SATL1: variants seen among roughly 807,000 people sequenced by gnomAD.
SATL1 encodes the protein spermidine/spermine N(1)-acetyltransferase-like protein 1.
In SATL1, 47 loss-of-function variants were observed where a neutral mutation model predicts 51.8. The ratio of observed to expected loss-of-function variants is 0.91; its 90% CI spans 0.72 to 1.16. SATL1 has a LOEUF of 1.16. SATL1 is among the 50% of genes most tolerant of loss of function. SATL1 has a pLI of 0.00. For missense variants in SATL1, 520 were observed against 526.4 expected, an observed-to-expected ratio of 0.99 and a Z score of 0.12; for synonymous variants, 176 against 182.4, an observed-to-expected ratio of 0.97 and a Z score of 0.28.
At chrX:85,169,506 C>T (rs1195006004) in intron 2 of SATL1, among the ~76,000 whole-genome samples, 2 of 111,038 alleles carry the variant, frequency 1.8e-5, no homozygotes, top group Non-Finnish European at 3.8e-5. Flanking sequence ...ATGCAGCCAA[C>T]AAAAACATGC....
chrX:85,210,423 A>G (rs1927891804), intron 2 of SATL1: 1 of 87,665 alleles, frequency 1.1e-5, no homozygotes, highest in African/African-American at 4.3e-5. Context: ...AAAAAAAAAA[A>G]GGAGGCACAC....
At chrX:85,172,221 T>C (rs192803804) in intron 2 of SATL1, among the ~76,000 whole-genome samples, 2 of 111,771 alleles carry the variant, frequency 1.8e-5, no homozygotes, top group African/African-American at 6.5e-5. Flanking sequence ...TATACGCATG[T>C]ATGTGGGGAA....
intron 2 of SATL1, among the ~76,000 whole-genome samples, chrX:85,140,161 G>T (rs1423775365): frequency 8.9e-6 from 1 of 111,979 alleles, no homozygotes; most frequent in African/African-American, 3.2e-5. Context: ...CACATTTCTT[G>T]CCTGATTTTT....
intron 2 of SATL1, among the ~76,000 whole-genome samples, chrX:85,166,915 G>GTA (rs749160963): frequency 0.098 from 8,192 of 83,763 alleles, 434 homozygotes; most frequent in Non-Finnish European, 0.13. Context: ...AGAAAATGGG[G>GTA]TATATATATA....
At chrX:85,127,643 AATT>A (rs1253217519) in intron 2 of SATL1, among the ~76,000 whole-genome samples, 1 of 111,286 alleles carries the variant, frequency 9.0e-6, no homozygotes, top group East Asian at 2.8e-4. Flanking sequence ...GCATGAAGTG[AATT>A]ATTATTATTT....
chrX:85,178,812 T>C (rs1927139938), intron 2 of SATL1, among the ~76,000 whole-genome samples: 1 of 111,563 alleles, frequency 9.0e-6, no homozygotes, highest in Admixed American at 9.6e-5. Context: ...ATTATTGGTC[T>C]ATAGTTCTCA....
chrX:85,097,264 C>CT (rs1194664685), intron 4 of SATL1, among the ~76,000 whole-genome samples: 1 of 112,122 alleles, frequency 8.9e-6, no homozygotes, highest in Non-Finnish European at 1.9e-5. Flanking sequence ...AACCAATCTC[C>CT]TGCATATACT....
rs1244865359 is a variant in SATL1, at chrX:85,107,448, A to G, written c.1521T>C (p.Ser507=). The G allele has an allele frequency of 1.7e-6, 2 of 1,210,979 alleles. No homozygotes were observed. Among genetic ancestry groups the G allele is most frequent in the African/African-American group, 3.5e-5 (2 of 57,559 alleles). ...CACTTGGTTGGCTCCTGCCTGGTTG[A>G]CTCAGGCCTGGTTGGCTCAGCACTA... The part of the protein sequence containing the change: ...NQLVLSQPGL[S]QPGRSQPSVS... The change falls in exon 3 of 8, where the codon AGT becomes AGC. Residue 507 remains serine (S), a synonymous_variant. Coordinates refer to ENST00000644105, the MANE Select transcript of SATL1 (RefSeq NM_001367857.2).
intron 2 of SATL1, among the ~76,000 whole-genome samples, chrX:85,139,155 C>A (rs906581261): frequency 2.7e-4 from 30 of 110,701 alleles, no homozygotes; most frequent in African/African-American, 9.2e-4. Flanking sequence ...CAGGATGGAG[C>A]CTTAATCCTA....
At chrX:85,150,869 G>A (rs1926411093) in intron 2 of SATL1, among the ~76,000 whole-genome samples, 1 of 109,994 alleles carries the variant, frequency 9.1e-6, no homozygotes, top group Non-Finnish European at 1.9e-5. Flanking sequence ...ATACTGAATG[G>A]ACAAATACTG....
intron 2 of SATL1, among the ~76,000 whole-genome samples, chrX:85,178,627 AAAACAAAC>A (rs200030021): frequency 1.2e-4 from 13 of 107,651 alleles, no homozygotes; most frequent in South Asian, 3.9e-4. Context: ...AAAAAAAACA[AAAACAAAC>A]AAACAAACAA....
At chrX:85,128,186 G>A (rs1005866091) in intron 2 of SATL1, among the ~76,000 whole-genome samples, 1 of 111,410 alleles carries the variant, frequency 9.0e-6, no homozygotes, top group Non-Finnish European at 1.9e-5. Context: ...TGGGTCAAAT[G>A]GTATTTCTAG....
chrX:85,177,436 C>T (rs1448932235), intron 2 of SATL1, among the ~76,000 whole-genome samples: 2 of 111,058 alleles, frequency 1.8e-5, no homozygotes, highest in African/African-American at 6.5e-5. Flanking sequence ...TCTCAGGTCC[C>T]CAGTCCTTTG....
At chrX:85,128,779 G>T (rs980265735) in intron 2 of SATL1, among the ~76,000 whole-genome samples, 3 of 111,890 alleles carry the variant, frequency 2.7e-5, no homozygotes, top group Non-Finnish European at 5.6e-5. Context: ...TATGGTTTTA[G>T]GTCTAACATT....
chrX:85,155,950 G>A (rs1915239020), intron 2 of SATL1, among the ~76,000 whole-genome samples: 1 of 111,102 alleles, frequency 9.0e-6, no homozygotes, highest in Non-Finnish European at 1.9e-5. Flanking sequence ...CAAAAAATAA[G>A]GTGTACTAAT....
In SATL1 at chrX:85,243,582, G is replaced by A. The variant is rs1928697358; in HGVS notation, c.-435+6C>T. ...CACACACAGGTTTTATTGGGGTGAG[G>A]CATACCTCTTATTACTCTGGTCAGT... On this transcript the variant is annotated splice_donor_region_variant and intron_variant, in intron 1 of 7. Transcript: ENST00000644105. 8.9e-6 allele frequency: 1 copy of A among 111,798 alleles called. No individual in the cohort carries two copies. The highest frequency in any genetic ancestry group is 9.4e-5 in the Admixed American group (1 of 10,626). The allele number at this position is 111,798 out of a possible 1,213,427, so 9.2% of individuals were successfully genotyped here. A position where few individuals can be genotyped will look rare whatever the true frequency, so the allele number is the denominator to read the frequency against.
chrX:85,113,641 T>C (rs772209946), intron 2 of SATL1, among the ~76,000 whole-genome samples: 2 of 112,157 alleles, frequency 1.8e-5, no homozygotes, highest in African/African-American at 3.2e-5. Flanking sequence ...AAACAAATCA[T>C]GATAAGACTG....
chrX:85,121,286 AG>A (rs1353754063), intron 2 of SATL1, among the ~76,000 whole-genome samples: 2 of 105,486 alleles, frequency 1.9e-5, no homozygotes, highest in Non-Finnish European at 3.9e-5. Context: ...TATTATATTT[AG>A]AGAGAGAATA....
chrX:85,099,670 G>A (rs763510135), intron 4 of SATL1, among the ~76,000 whole-genome samples: 170 of 111,491 alleles, frequency 1.5e-3, no homozygotes, highest in African/African-American at 5.5e-3. Flanking sequence ...AATGAATGCC[G>A]AAAAAGGTGT....
Sources: allele counts gnomAD v4.1 joint callset (sites outside exome capture counted in the v4.1 genomes callset), GRCh38; gene constraint gnomAD v4.1.1; transcripts MANE v1.5; gene names NCBI Gene and HGNC (gene_info 2026-07-23, HGNC 2026-07-21).